Variants in CCR5AS observed in about 807,000 individuals in gnomAD.
CCR5AS encodes the protein CCR5 antisense RNA.
intron 1 of CCR5AS, among the ~76,000 whole-genome samples, chr3:46,398,781 T>C (rs1213043780): frequency 6.6e-6 from 1 of 152,222 alleles, no homozygotes; most frequent in African/African-American, 2.4e-5. Flanking sequence ...TTTCTAGGAA[T>C]GCATATTCAC....
chr3:46,387,812 G>A (rs1031718334), intron 2 of CCR5AS, among the ~76,000 whole-genome samples: 10 of 152,102 alleles, frequency 6.6e-5, no homozygotes, highest in Non-Finnish European at 8.8e-5. Flanking sequence ...GGGATGGGGC[G>A]GTTTTATAGG....
intron 1 of CCR5AS, among the ~76,000 whole-genome samples, chr3:46,400,899 G>A (rs533894103): frequency 1.3e-3 from 192 of 152,322 alleles, no homozygotes; most frequent in African/African-American, 4.1e-3. Context: ...AAATGGCACC[G>A]AGGCCAAGGA....
At chr3:46,372,711 T>C in intron 2 of CCR5AS, 2 of 488,894 alleles carry the variant, frequency 4.1e-6, no homozygotes, top group Non-Finnish European at 7.2e-6. Flanking sequence ...ACAGGGAAGC[T>C]AGCAGCAAAC....
intron 2 of CCR5AS, among the ~76,000 whole-genome samples, chr3:46,387,244 G>A (rs1028104318): frequency 1.3e-5 from 2 of 152,160 alleles, no homozygotes; most frequent in Non-Finnish European, 2.9e-5. Flanking sequence ...TACAGACGCA[G>A]TGCCCTGGAA....
chr3:46,371,595 G>C (rs1229183048), intron 2 of CCR5AS, among the ~76,000 whole-genome samples: 1 of 152,074 alleles, frequency 6.6e-6, no homozygotes, highest in Non-Finnish European at 1.5e-5. Context: ...AGACTCACAG[G>C]GTTTAATAAG....
chr3:46,394,967 G>T (rs1389077844), intron 1 of CCR5AS, among the ~76,000 whole-genome samples: 1 of 152,070 alleles, frequency 6.6e-6, no homozygotes, highest in Non-Finnish European at 1.5e-5. Flanking sequence ...ACTTCGGATT[G>T]CCCCTGGCGA....
chr3:46,396,607 A>G (rs1255546737), intron 1 of CCR5AS, among the ~76,000 whole-genome samples: 4 of 152,202 alleles, frequency 2.6e-5, no homozygotes, highest in Admixed American at 6.5e-5. Flanking sequence ...CTTTCTGGGA[A>G]CTGGAGCTGC....
intron 1 of CCR5AS, among the ~76,000 whole-genome samples, chr3:46,397,896 G>A (rs575679067): frequency 3.3e-5 from 5 of 152,152 alleles, no homozygotes; most frequent in African/African-American, 9.7e-5. Flanking sequence ...AGATCATTTC[G>A]GTCACTGTCT....
intron 3 of CCR5AS, among the ~76,000 whole-genome samples, chr3:46,365,367 G>C (rs1262709613): frequency 6.6e-6 from 1 of 152,152 alleles, no homozygotes; most frequent in African/African-American, 2.4e-5. Flanking sequence ...CTTGCTGAAG[G>C]CTCAGATGAT....
chr3:46,380,117 G>C (rs1207651118), intron 2 of CCR5AS, among the ~76,000 whole-genome samples: 3 of 152,106 alleles, frequency 2.0e-5, no homozygotes, highest in Non-Finnish European at 4.4e-5. Context: ...CTCTAGGTGG[G>C]AGTGGATAGT....
intron 2 of CCR5AS, among the ~76,000 whole-genome samples, chr3:46,390,755 G>A (rs1037292956): frequency 6.6e-6 from 1 of 152,138 alleles, no homozygotes; most frequent in Non-Finnish European, 1.5e-5. Flanking sequence ...TAAGGAAGCT[G>A]GACAGGTGGG....
At position 46,378,083 on chromosome 3, in the gene CCR5AS, G is replaced by A. The variant is rs150099259; in HGVS notation, n.392-6666C>T. On this transcript the variant is annotated intron_variant and non_coding_transcript_variant, in intron 2 of 3. Transcript: ENST00000451485. ...CCACTTACTTATTGTCAGAGTACGT[G>A]GAGATTTTCCACAACCCTCGGGGAT... Among the ~76,000 whole-genome samples, 632 of 152,270 alleles carry A rather than the reference G, an allele frequency of 4.2e-3. 7 individuals are homozygous for A. The highest frequency in any genetic ancestry group is 0.014 in the African/African-American group (593 of 41,550).
At chr3:46,373,655 C>T in intron 2 of CCR5AS, 3 of 1,614,152 alleles carry the variant, frequency 1.9e-6, no homozygotes, top group Non-Finnish European at 2.5e-6. Flanking sequence ...GGGCTCCCTA[C>T]AACATTGTCC....
At chr3:46,364,629 A>T (rs1701583280) in exon 4 of CCR5AS, among the ~76,000 whole-genome samples, 1 of 127,116 alleles carries the variant, frequency 7.9e-6, no homozygotes, top group Non-Finnish European at 1.7e-5. Flanking sequence ...GCTATTAAGA[A>T]ATAGCTATAT....
chr3:46,390,921 T>G (rs1277968843), intron 2 of CCR5AS, among the ~76,000 whole-genome samples: 2 of 152,120 alleles, frequency 1.3e-5, no homozygotes, highest in Non-Finnish European at 2.9e-5. Context: ...GTGGGTAGCC[T>G]CCGTATTGAT....
intron 1 of CCR5AS, among the ~76,000 whole-genome samples, chr3:46,396,340 C>T (rs1701961742): frequency 1.3e-5 from 2 of 152,074 alleles, no homozygotes; most frequent in Non-Finnish European, 2.9e-5. Flanking sequence ...GGCAGTGTGG[C>T]CTCCTGTGCA....
intron 2 of CCR5AS, among the ~76,000 whole-genome samples, chr3:46,380,266 T>C (rs140033171): frequency 0.049 from 7,481 of 152,062 alleles, 617 homozygotes; most frequent in African/African-American, 0.17. Flanking sequence ...AGCATATAGT[T>C]AGATGAACTT....
chr3:46,398,657 G>A (rs1234126108), intron 1 of CCR5AS, among the ~76,000 whole-genome samples: 1 of 152,122 alleles, frequency 6.6e-6, no homozygotes. Context: ...TCTACCCTCT[G>A]TAATGTAGGA....
intron 2 of CCR5AS, chr3:46,373,418 AG>A (rs1188964664): frequency 5.0e-6 from 8 of 1,612,602 alleles, no homozygotes; most frequent in Non-Finnish European, 6.8e-6. Context: ...CTCAAAAAGA[AG>A]GTCTTCATTA....
Sources: gnomAD v4.1 joint callset for allele counts (sites outside exome capture counted in the v4.1 genomes callset) on GRCh38, gnomAD v4.1.1 for gene constraint, MANE v1.5 for transcripts, NCBI Gene and HGNC (gene_info 2026-07-23, HGNC 2026-07-21) for gene names.